The following NPAS3 variants were observed in gnomAD, a reference collection of about 807,000 sequenced individuals.
NPAS3 encodes neuronal PAS domain-containing protein 3.
A neutral mutation model predicts 73.1 loss-of-function variants in NPAS3; 14 were observed. That is an observed-to-expected ratio of 0.19 (90% CI 0.13 to 0.30). NPAS3 has a LOEUF of 0.30. NPAS3 is among the 10% of genes least tolerant of loss of function. The pLI is 1.00. For synonymous variants in NPAS3, 620 were observed against 541.5 expected, an observed-to-expected ratio of 1.14 and a Z score of -2.01; for missense variants, 1,096 against 1,250.0, an observed-to-expected ratio of 0.88 and a Z score of 1.86.
intron 5 of NPAS3, among the ~76,000 whole-genome samples, chr14:33,621,496 G>A (rs2058073539): frequency 1.3e-5 from 2 of 152,038 alleles, no homozygotes; most frequent in African/African-American, 2.4e-5. Flanking sequence ...AAACATAAGT[G>A]CATTTTAGTA....
At position 33,733,856 on chromosome 14, in the gene NPAS3, C is replaced by T. The variant is rs1041841204; in HGVS notation, c.734-1358C>T. 2.0e-5 allele frequency among the ~76,000 whole-genome samples: 3 copies of T among 151,884 alleles called. No homozygotes were observed. In the East Asian group the frequency reaches 5.8e-4, roughly 29 times the overall value. On this transcript the variant is annotated intron_variant, in intron 6 of 11. Coordinates refer to ENST00000356141, the Ensembl canonical transcript of NPAS3. ...TTCCATCACCCCAGAATAGAAATGC[C>T]ACAAAAATAGGAAAACATAGTCATG... is the stretch of plus-strand genomic sequence containing the variant.
At chr14:33,440,809 C>T (rs2049212476) in intron 4 of NPAS3, among the ~76,000 whole-genome samples, 1 of 151,934 alleles carries the variant, frequency 6.6e-6, no homozygotes, top group African/African-American at 2.4e-5. Context: ...AGGAGAATCA[C>T]TTCAACCCCG....
At chr14:33,403,502 G>A (rs1398990835) in intron 4 of NPAS3, among the ~76,000 whole-genome samples, 15 of 152,034 alleles carry the variant, frequency 9.9e-5, no homozygotes. Context: ...CTGATAAAAT[G>A]GTAAATAGTT....
chr14:32,995,331 A>G (rs1038015802), intron 1 of NPAS3, among the ~76,000 whole-genome samples: 2 of 152,160 alleles, frequency 1.3e-5, no homozygotes, highest in Non-Finnish European at 2.9e-5. Flanking sequence ...TCTTCCTTAC[A>G]TGGTATTTCT....
intron 4 of NPAS3, among the ~76,000 whole-genome samples, chr14:33,377,866 C>G (rs2046375011): frequency 6.6e-6 from 1 of 152,148 alleles, no homozygotes; most frequent in African/African-American, 2.4e-5. Flanking sequence ...AGCTTCAGTT[C>G]AGTAAATATT....
intron 4 of NPAS3, among the ~76,000 whole-genome samples, chr14:33,479,066 T>C (rs1720359685): frequency 6.6e-6 from 1 of 152,142 alleles, no homozygotes; most frequent in African/African-American, 2.4e-5. Flanking sequence ...ACTTAACCAA[T>C]GTCATTATGG....
intron 5 of NPAS3, among the ~76,000 whole-genome samples, chr14:33,630,609 A>G (rs2058351393): frequency 6.6e-6 from 1 of 152,250 alleles, no homozygotes; most frequent in African/African-American, 2.4e-5. Flanking sequence ...TTATCAAACC[A>G]TATCTACAAA....
chr14:33,635,737 A>C (rs1022064779), intron 5 of NPAS3, among the ~76,000 whole-genome samples: 1 of 152,184 alleles, frequency 6.6e-6, no homozygotes, highest in African/African-American at 2.4e-5. Flanking sequence ...CCTTCCCTGG[A>C]CTTGTCGGGG....
At chr14:33,124,026 T>C (rs920203951) in intron 2 of NPAS3, among the ~76,000 whole-genome samples, 7 of 151,750 alleles carry the variant, frequency 4.6e-5, no homozygotes, top group African/African-American at 1.7e-4. Context: ...ATGCCTGGCT[T>C]ATTTTTTTGT....
intron 2 of NPAS3, among the ~76,000 whole-genome samples, chr14:33,165,692 A>G (rs1204674388): frequency 1.3e-5 from 2 of 151,978 alleles, no homozygotes; most frequent in South Asian, 4.1e-4. Flanking sequence ...TTAGTTTAAA[A>G]CTTACTTCCT....
At chr14:33,448,528 A>G (rs1438842207) in intron 4 of NPAS3, among the ~76,000 whole-genome samples, 1 of 152,148 alleles carries the variant, frequency 6.6e-6, no homozygotes, top group African/African-American at 2.4e-5. Flanking sequence ...ACTTTATTCC[A>G]TGAACTGTGC....
rs564483246 is a variant in NPAS3, at chr14:33,437,346, T to C, written c.468+70078T>C. ...AACCAATTTTTCCAAGCTTGCCTGCTTGGGGAAGAGGAAACAGTGCTGAGA... is the reference window on the plus strand; with the variant it reads ...AACCAATTTTTCCAAGCTTGCCTGCCTGGGGAAGAGGAAACAGTGCTGAGA... On this transcript the variant is annotated intron_variant, in intron 4 of 11. Transcript: ENST00000356141. Among the ~76,000 whole-genome samples, 3 of 152,326 alleles carry C rather than the reference T, an allele frequency of 2.0e-5. No individual in the cohort carries two copies. The East Asian group carries it at 5.8e-4, about 29-fold the overall frequency.
chr14:33,536,013 A>G (rs971108476), intron 4 of NPAS3, among the ~76,000 whole-genome samples: 5 of 152,134 alleles, frequency 3.3e-5, no homozygotes, highest in Non-Finnish European at 7.4e-5. Context: ...CGCTGGAGAG[A>G]GGCCTCTGGC....
upstream of NPAS3, among the ~76,000 whole-genome samples, chr14:32,938,554 G>A (rs1241215622): frequency 6.8e-6 from 1 of 146,410 alleles, no homozygotes; most frequent in African/African-American, 2.6e-5. Context: ...CTGCGTACGA[G>A]AGAGCGCTCT....
At chr14:33,547,428 A>C (rs141511549) in intron 4 of NPAS3, among the ~76,000 whole-genome samples, 1 of 152,188 alleles carries the variant, frequency 6.6e-6, no homozygotes, top group Non-Finnish European at 1.5e-5. Context: ...TTGGTCTTCA[A>C]AATTTGTCAG....
intron 2 of NPAS3, among the ~76,000 whole-genome samples, chr14:33,193,348 T>TA (rs1400572136): frequency 6.6e-6 from 1 of 152,112 alleles, no homozygotes; most frequent in Non-Finnish European, 1.5e-5. Context: ...ATCCCAGCCA[T>TA]AGGGGAGTCA....
intron 2 of NPAS3, among the ~76,000 whole-genome samples, chr14:33,102,778 T>TAA (rs1469787333): frequency 6.6e-6 from 1 of 152,188 alleles, no homozygotes; most frequent in Non-Finnish European, 1.5e-5. Flanking sequence ...GTCATGCACT[T>TAA]ACAGATTTTT....
intron 2 of NPAS3, among the ~76,000 whole-genome samples, chr14:33,147,730 A>AAAAAAAATATAT (rs372663411): frequency 3.8e-5 from 5 of 130,388 alleles, no homozygotes; most frequent in African/African-American, 1.3e-4. Context: ...TAGAATAAAA[A>AAAAAAAATATAT]ATATATATAT....
In NPAS3 at chr14:33,126,338, A is replaced by G. The variant is rs2043425621; in HGVS notation, c.140+70344A>G. ...TCTACTGCCTGCTGGACAGGCTACC[A>G]CAGAACAAAATGGATGCCGTTCCTG... On this transcript the variant is annotated intron_variant, in intron 2 of 11. Coordinates refer to ENST00000356141, the Ensembl canonical transcript of NPAS3. 3.9e-5 allele frequency among the ~76,000 whole-genome samples: 6 copies of G among 152,272 alleles called. No individual in the cohort carries two copies. In the South Asian group the frequency reaches 1.2e-3, roughly 32 times the overall value.
Sources: allele counts gnomAD v4.1 joint callset (sites outside exome capture counted in the v4.1 genomes callset), GRCh38; gene constraint gnomAD v4.1.1; transcripts MANE v1.5; gene names NCBI Gene and HGNC (gene_info 2026-07-23, HGNC 2026-07-21).